The following RTL4 variants were observed in gnomAD, a reference collection of about 807,000 sequenced individuals.
The protein encoded by RTL4 is retrotransposon Gag-like protein 4.
A neutral mutation model predicts 5.3 loss-of-function variants in RTL4; 4 were observed. The observed-to-expected ratio is 0.75, with a 90% CI of 0.37 to 1.72. RTL4 has a LOEUF of 1.72. RTL4 is among the 40% of genes most tolerant of loss of function. RTL4 has a pLI of 0.04. For missense variants in RTL4, 260 were observed against 227.1 expected, an observed-to-expected ratio of 1.14 and a Z score of -0.93; for synonymous variants, 98 against 87.3, an observed-to-expected ratio of 1.12 and a Z score of -0.68.
the RTL4 span, among the ~76,000 whole-genome samples, chrX:112,134,657 A>C: frequency 5.3e-5 from 6 of 112,339 alleles, no homozygotes; most frequent in Admixed American, 2.8e-4. Context: ...TGTTATTACC[A>C]TAAGGATAAT....
At chrX:112,154,917 G>A in the RTL4 span, among the ~76,000 whole-genome samples, 1 of 111,075 alleles carries the variant, frequency 9.0e-6, no homozygotes, top group East Asian at 2.9e-4. Context: ...ATTAAGATGT[G>A]GGTCCATCAT....
At chrX:112,426,555 C>G in the RTL4 span, among the ~76,000 whole-genome samples, 1 of 111,301 alleles carries the variant, frequency 9.0e-6, no homozygotes, top group African/African-American at 3.3e-5. Context: ...CATATTTTAT[C>G]AGAGTTCTGT....
the RTL4 span, among the ~76,000 whole-genome samples, chrX:112,094,743 G>T: frequency 9.0e-6 from 1 of 111,721 alleles, no homozygotes; most frequent in Non-Finnish European, 1.9e-5. Context: ...TTTCAAGAGA[G>T]AGTAATCGAC....
the RTL4 span, among the ~76,000 whole-genome samples, chrX:112,262,360 G>A: frequency 4.5e-5 from 5 of 111,348 alleles, no homozygotes; most frequent in Admixed American, 1.9e-4. Flanking sequence ...AAAAACAAAC[G>A]ACACAATCAA....
chrX:112,266,988 C>T, the RTL4 span, among the ~76,000 whole-genome samples: 1 of 111,825 alleles, frequency 8.9e-6, no homozygotes, highest in Non-Finnish European at 1.9e-5. Context: ...CTCCCAACAC[C>T]TCTAGGTTAC....
chrX:112,299,017 G>GT, the RTL4 span, among the ~76,000 whole-genome samples: 1 of 112,376 alleles, frequency 8.9e-6, no homozygotes, highest in African/African-American at 3.2e-5. Flanking sequence ...TTTGCAGGCT[G>GT]TTCTTGCCAA....
chrX:112,238,309 T>C, the RTL4 span, among the ~76,000 whole-genome samples: 1 of 112,250 alleles, frequency 8.9e-6, no homozygotes, highest in Non-Finnish European at 1.9e-5. Context: ...TATATTTATA[T>C]AGTTGGAATC....
chrX:112,334,222 C>CT, the RTL4 span, among the ~76,000 whole-genome samples: 283 of 112,020 alleles, frequency 2.5e-3, no homozygotes, highest in African/African-American at 7.2e-3. Context: ...ACTTAAGTTG[C>CT]TTCAAATCTT....
the RTL4 span, among the ~76,000 whole-genome samples, chrX:112,248,528 C>A: frequency 1.8e-5 from 2 of 112,391 alleles, no homozygotes; most frequent in Non-Finnish European, 3.7e-5. Context: ...CGCCATTCTG[C>A]ACCATCTGTT....
At chrX:112,382,677 T>A in the RTL4 span, among the ~76,000 whole-genome samples, 2 of 112,375 alleles carry the variant, frequency 1.8e-5, no homozygotes, top group Non-Finnish European at 3.8e-5. Context: ...CTCATTCCTT[T>A]TGACCAACTT....
At chrX:112,449,110 G>C in the RTL4 span, among the ~76,000 whole-genome samples, 1 of 112,226 alleles carries the variant, frequency 8.9e-6, no homozygotes, top group Non-Finnish European at 1.9e-5. Flanking sequence ...TCTGAGGTCT[G>C]AGACATAGCA....
chrX:112,443,083 G>A, the RTL4 span, among the ~76,000 whole-genome samples: 1 of 111,182 alleles, frequency 9.0e-6, no homozygotes, highest in Non-Finnish European at 1.9e-5. Flanking sequence ...ACCCCACCCT[G>A]CTACCCTTCC....
the RTL4 span, among the ~76,000 whole-genome samples, chrX:112,274,723 C>T: frequency 9.0e-6 from 1 of 111,705 alleles, no homozygotes; most frequent in Non-Finnish European, 1.9e-5. Context: ...GTTAGGGTCT[C>T]CTTTTCCACA....
chrX:112,198,808 T>G, the RTL4 span, among the ~76,000 whole-genome samples: 3 of 110,858 alleles, frequency 2.7e-5, no homozygotes, highest in Non-Finnish European at 5.7e-5. Context: ...ATGAAAATTG[T>G]GCAGATTGTT....
chrX:112,218,229 G>A, the RTL4 span, among the ~76,000 whole-genome samples: 1 of 112,102 alleles, frequency 8.9e-6, no homozygotes, highest in Non-Finnish European at 1.9e-5. Flanking sequence ...ATATGCAATA[G>A]GCACAAGCTC....
chrX:112,181,158 C>T, the RTL4 span, among the ~76,000 whole-genome samples: 6 of 111,831 alleles, frequency 5.4e-5, no homozygotes, highest in East Asian at 5.7e-4. Context: ...CCAGATACTA[C>T]GCTTTTACCG....
the RTL4 span, among the ~76,000 whole-genome samples, chrX:112,343,697 T>C: frequency 2.7e-5 from 3 of 112,072 alleles, no homozygotes; most frequent in South Asian, 7.4e-4. Flanking sequence ...GACTAGTGTA[T>C]TGAAGAACAT....
chrX:112,230,696 G>A, the RTL4 span, among the ~76,000 whole-genome samples: 2 of 112,061 alleles, frequency 1.8e-5, no homozygotes, highest in Non-Finnish European at 3.8e-5. Context: ...AACACCAAAA[G>A]CAATGGCAAT....
At chrX:112,412,868 G>T in the RTL4 span, among the ~76,000 whole-genome samples, 1 of 111,399 alleles carries the variant, frequency 9.0e-6, no homozygotes, top group Non-Finnish European at 1.9e-5. Context: ...ATCACAGTAA[G>T]TTACAAAGCT....
Sources: gnomAD v4.1 joint callset for allele counts (sites outside exome capture counted in the v4.1 genomes callset) on GRCh38, gnomAD v4.1.1 for gene constraint, MANE v1.5 for transcripts, NCBI Gene and HGNC (gene_info 2026-07-23, HGNC 2026-07-21) for gene names.